PRKCH: variants seen among roughly 807,000 people sequenced by gnomAD.
PRKCH encodes the protein protein kinase C eta type.
PRKCH carries 28 observed loss-of-function variants against 82.5 expected under a neutral mutation model. The observed-to-expected ratio is 0.34, with a 90% CI of 0.25 to 0.47. The LOEUF is 0.47. PRKCH is among the 20% of genes least tolerant of loss of function. The pLI, the probability that PRKCH is intolerant of heterozygous loss-of-function variation, is 1.00. For synonymous variants in PRKCH, 322 were observed against 327.4 expected, an observed-to-expected ratio of 0.98 and a Z score of 0.18; for missense variants, 705 against 881.8, an observed-to-expected ratio of 0.80 and a Z score of 2.54.
At chr14:61,420,436 G>A (rs1240967385) in intron 2 of PRKCH, among the ~76,000 whole-genome samples, 1 of 152,186 alleles carries the variant, frequency 6.6e-6, no homozygotes, top group Non-Finnish European at 1.5e-5. Flanking sequence ...CACTATGTGA[G>A]TCACCCTCAC....
Position 61,196,720 on chromosome 14 carries a change from A to G in PRKCH, c.-19+9052A>G, listed in dbSNP as rs61323637. Among the ~76,000 whole-genome samples the G allele has an allele frequency of 8.9e-3, 1,360 of 152,332 alleles. 17 individuals carry two copies. Among genetic ancestry groups the G allele is most frequent in the African/African-American group, 0.031 (1,285 of 41,578 alleles). On this transcript the variant is annotated intron_variant, in intron 1 of 3. Coordinates refer to the PRKCH transcript ENST00000555185. ...TCTGACCAGTACACGTTAAGAACACAGATAAACTATGTTATAGTTACACAG... is the reference window on the plus strand; with the variant it reads ...TCTGACCAGTACACGTTAAGAACACGGATAAACTATGTTATAGTTACACAG...
rs372903476 is a variant in PRKCH at position 61,372,436 on chromosome 14, C to CT, written c.364-18782dup. Among the ~76,000 whole-genome samples the CT allele has an allele frequency of 3.0e-3, 462 of 152,148 alleles. 6 individuals carry two copies. Among genetic ancestry groups the CT allele is most frequent in the African/African-American group, 0.011 (440 of 41,418 alleles). On this transcript the variant is annotated intron_variant, in intron 1 of 13. Transcript: ENST00000332981. Reference sequence around the variant, plus strand: ...TCAACTCCGATACAGTGTTACAGACCTTTTTTTACTAGCCTTTCTCCCTTG... The same window carrying CT: ...TCAACTCCGATACAGTGTTACAGACCTTTTTTTTACTAGCCTTTCTCCCTTG...
intron 10 of PRKCH, among the ~76,000 whole-genome samples, chr14:61,508,742 A>G (rs928557958): frequency 1.4e-4 from 21 of 152,128 alleles, no homozygotes; most frequent in African/African-American, 5.1e-4. Context: ...ACATATGGTA[A>G]GGATGAAAAA....
intron 4 of PRKCH, among the ~76,000 whole-genome samples, chr14:61,447,671 A>G (rs532101724): frequency 6.6e-6 from 1 of 152,342 alleles, no homozygotes; most frequent in African/African-American, 2.4e-5. Context: ...TGGAAGGTTA[A>G]ATGTCACATT....
intron 2 of PRKCH, among the ~76,000 whole-genome samples, chr14:61,432,909 TTAA>T (rs1409996274): frequency 9.5e-5 from 4 of 42,314 alleles, no homozygotes; most frequent in Admixed American, 4.1e-4. Flanking sequence ...TTATTTCTTC[TTAA>T]TAAAAAAAAA....
intron 1 of PRKCH, among the ~76,000 whole-genome samples, chr14:61,289,001 G>C (rs2045338521): frequency 6.6e-6 from 1 of 152,168 alleles, no homozygotes; most frequent in Non-Finnish European, 1.5e-5. Flanking sequence ...GCTTCTCTCT[G>C]CAGCTCAGGC....
chr14:61,275,757 C>T (rs1168705689), intron 1 of PRKCH, among the ~76,000 whole-genome samples: 2 of 152,132 alleles, frequency 1.3e-5, no homozygotes, highest in African/African-American at 4.8e-5. Flanking sequence ...TGCTTCAGAC[C>T]TCATCTTTCC....
chr14:61,511,475 G>A (rs778535045), intron 10 of PRKCH, among the ~76,000 whole-genome samples: 2 of 152,186 alleles, frequency 1.3e-5, no homozygotes, highest in Non-Finnish European at 2.9e-5. Flanking sequence ...GAGCCTCTCG[G>A]ATGGCTCAAG....
At chr14:61,512,876 G>A (rs937745629) in intron 10 of PRKCH, among the ~76,000 whole-genome samples, 1 of 152,030 alleles carries the variant, frequency 6.6e-6, no homozygotes, top group Non-Finnish European at 1.5e-5. Context: ...CCCCAGGCTG[G>A]AGTGCAGTGG....
In PRKCH at chr14:61,331,785, T is replaced by G. The variant is rs539667587; in HGVS notation, c.363+9321T>G. On this transcript the variant is annotated intron_variant, in intron 1 of 13. Transcript: ENST00000332981. ...TCACATAATTTCTTCCCTTTTGGAG[T>G]AATTGGTTTGGTTTAAACTGTCAAA... Among the ~76,000 whole-genome samples, 3 of 152,312 alleles carry G rather than the reference T, an allele frequency of 2.0e-5. No homozygotes were observed. In the South Asian group the frequency reaches 6.2e-4, roughly 32 times the overall value.
intron 2 of PRKCH, among the ~76,000 whole-genome samples, chr14:61,441,915 G>T (rs1229325836): frequency 2.0e-5 from 3 of 151,832 alleles, no homozygotes; most frequent in Admixed American, 6.6e-5. Flanking sequence ...CTCCCAAAGT[G>T]TTGGTATTAC....
intron 1 of PRKCH, among the ~76,000 whole-genome samples, chr14:61,268,334 A>G (rs2140084370): frequency 6.6e-6 from 1 of 152,362 alleles, no homozygotes; most frequent in African/African-American, 2.4e-5. Flanking sequence ...GAATGGTACC[A>G]GCTTCACTTA....
chr14:61,400,785 C>T (rs367700726), intron 2 of PRKCH, among the ~76,000 whole-genome samples: 1 of 152,162 alleles, frequency 6.6e-6, no homozygotes, highest in East Asian at 1.9e-4. Context: ...CATTTTCTCT[C>T]TATAACAAAT....
chr14:61,235,222 C>A (rs1260523759), intron 1 of PRKCH, among the ~76,000 whole-genome samples: 1 of 152,212 alleles, frequency 6.6e-6, no homozygotes. Context: ...TTTCCATTGC[C>A]TTTGGTCACT....
At chr14:61,250,232 G>T (rs1311539951) in intron 1 of PRKCH, among the ~76,000 whole-genome samples, 2 of 125,364 alleles carry the variant, frequency 1.6e-5, no homozygotes, top group African/African-American at 6.8e-5. Context: ...GTGAGACTCA[G>T]TCTCAAAAAT....
At chr14:61,274,340 G>A (rs1327273013) in intron 1 of PRKCH, among the ~76,000 whole-genome samples, 1 of 152,216 alleles carries the variant, frequency 6.6e-6, no homozygotes, top group Non-Finnish European at 1.5e-5. Context: ...ATGAAGGTGT[G>A]TATGTCCTGC....
At chr14:61,529,234 C>T in intron 11 of PRKCH, 21 bp downstream of exon 11, 1 of 1,593,408 alleles carries the variant, frequency 6.3e-7, no homozygotes, top group Non-Finnish European at 8.6e-7. Flanking sequence ...CTGCTTGATG[C>T]AGCTCTGAAA....
intron 1 of PRKCH, among the ~76,000 whole-genome samples, chr14:61,287,103 G>T (rs1484233403): frequency 9.0e-5 from 13 of 144,566 alleles, no homozygotes; most frequent in Admixed American, 8.6e-4. Flanking sequence ...CTACTTGGAA[G>T]TTGAGGCAGG....
At chr14:61,450,729 C>G (rs921859333) in intron 5 of PRKCH, 113 bp from the exon 6 acceptor site, 6 of 1,263,550 alleles carry the variant, frequency 4.7e-6, no homozygotes, top group Non-Finnish European at 6.6e-6. Context: ...AAATAATATA[C>G]CTAGCTCAGG....
Sources: allele counts gnomAD v4.1 joint callset (sites outside exome capture counted in the v4.1 genomes callset), GRCh38; gene constraint gnomAD v4.1.1; transcripts MANE v1.5; gene names NCBI Gene and HGNC (gene_info 2026-07-23, HGNC 2026-07-21).